The following PIK3CG variants were observed in gnomAD, a reference collection of about 807,000 sequenced individuals.
PIK3CG encodes the protein phosphatidylinositol 4,5-bisphosphate 3-kinase catalytic subunit gamma isoform.
PIK3CG carries 55 observed loss-of-function variants against 102.3 expected under a neutral mutation model. The ratio of observed to expected loss-of-function variants is 0.54; its 90% CI spans 0.43 to 0.67. PIK3CG has a LOEUF of 0.67. Among genes scored for constraint, PIK3CG ranks in the 30% least tolerant of loss-of-function variants. PIK3CG has a pLI of 0.00. For synonymous variants in PIK3CG, 552 were observed against 540.0 expected (o/e 1.02, Z -0.31); for missense variants, 1,258 against 1,391.8 (o/e 0.90, Z 1.53).
At chr7:106,889,530 A>C (rs59813697) in intron 10 of PIK3CG, among the ~76,000 whole-genome samples, 13,481 of 152,242 alleles carry the variant, frequency 0.089, 794 homozygotes, top group South Asian at 0.23. Flanking sequence ...GAAATGTTGT[A>C]TACATTTGCA....
Position 106,893,752 on chromosome 7 carries a change from C to T in PIK3CG, c.3030+7460C>T, listed in dbSNP as rs560719412. Among the ~76,000 whole-genome samples, 60 of 152,182 alleles carry T rather than the reference C, an allele frequency of 3.9e-4. No homozygotes were observed. The highest frequency in any genetic ancestry group is 2.1e-4 in the South Asian group (1 of 4,830). On this transcript the variant is annotated intron_variant, in intron 10 of 10. Transcript: ENST00000496166. This position sits in a 1 kb window ranked among gnomAD's most constrained non-coding sequence, Gnocchi z 4.4. The stretch of plus-strand genomic sequence containing the variant: ...CTATAGCAAGTACTGTCATGCATTG[C>T]TTAACAGTGGGGATACATACAGAGA...
At position 106,867,984 on chromosome 7, in the gene PIK3CG, C is replaced by T. The variant is rs1233472525; in HGVS notation, c.423C>T (p.His141=). The part of the protein sequence containing the change: ...SPGQIHLVQR[H]PPSEESQAFQ... ...GCCAGATCCACCTGGTGCAGCGGCA[C>T]CCGCCCTCCGAGGAGTCCCAAGCCT... is the stretch of plus-strand genomic sequence containing the variant. The change falls in exon 2 of 11, where the codon CAC becomes CAT. Residue 141 remains histidine, a synonymous_variant. Transcript: ENST00000496166. The surrounding 1 kb of genome is among the most constrained non-coding windows in gnomAD (Gnocchi z 5.1). 6.2e-7 allele frequency: 1 copy of T among 1,612,282 alleles called. No individual in the cohort carries two copies. Among genetic ancestry groups the T allele is most frequent in the Non-Finnish European group, 8.5e-7 (1 of 1,179,224 alleles).
chr7:106,883,995 A>G lies in PIK3CG; in HGVS notation c.2761-160A>G, dbSNP rs866580147. ...CCTAAAATATAAGCAGAGCAATGAG[A>G]AAGTTGGCAATTCATAGATATAATG... On this transcript the variant is annotated intron_variant, in intron 8 of 10. Coordinates refer to ENST00000496166, the MANE Select transcript of PIK3CG (RefSeq NM_001282426.2). The surrounding 1 kb of genome is among the most constrained non-coding windows in gnomAD (Gnocchi z 5.8). 2.0e-4 allele frequency among the ~76,000 whole-genome samples: 30 copies of G among 152,244 alleles called. No homozygotes were observed. The highest frequency in any genetic ancestry group is 6.8e-4 in the African/African-American group (28 of 41,464).
rs2116433619 is a variant in PIK3CG, at chr7:106,868,209, C to T, written c.648C>T (p.Ala216=). The T allele has an allele frequency of 6.2e-7, 1 of 1,612,404 alleles. No individual in the cohort carries two copies. Among genetic ancestry groups the T allele is most frequent in the Non-Finnish European group, 8.5e-7 (1 of 1,180,014 alleles). Residue 216 remains alanine (A), a synonymous_variant, in exon 2 of 11, where the codon GCC becomes GCT. Coordinates refer to ENST00000496166, the MANE Select transcript of PIK3CG (RefSeq NM_001282426.2). The surrounding 1 kb of genome is among the most constrained non-coding windows in gnomAD (Gnocchi z 6.2). ...PLPEYLWKKI[A]NNCIFIVIHR... is the part of the protein sequence containing the mutation. Reference sequence around the variant, plus strand: ...CGGAGTACCTGTGGAAGAAGATTGCCAACAACTGCATCTTCATCGTCATTC... The same window carrying T: ...CGGAGTACCTGTGGAAGAAGATTGCTAACAACTGCATCTTCATCGTCATTC...
rs1790855052 is a variant in PIK3CG, at chr7:106,879,054, T to G, written c.2392-465T>G. Among the ~76,000 whole-genome samples, 2 of 152,250 alleles carry G rather than the reference T, an allele frequency of 1.3e-5. No homozygotes were observed. Among genetic ancestry groups the G allele is most frequent in the Non-Finnish European group, 2.9e-5 (2 of 68,044 alleles). ...TGCCAGATTTTCCATTTATTTCTGT[T>G]AAATTTCATCTGCTTAGATGTAGCC... On this transcript the variant is annotated intron_variant, in intron 5 of 10. Transcript: ENST00000496166. The surrounding 1 kb of genome is among the most constrained non-coding windows in gnomAD (Gnocchi z 4.9).
At chr7:106,900,628 G>C (rs1372998230) in intron 10 of PIK3CG, among the ~76,000 whole-genome samples, 1 of 152,164 alleles carries the variant, frequency 6.6e-6, no homozygotes, top group African/African-American at 2.4e-5. Context: ...ATGTTAGCTT[G>C]TTTGTGTGGT....
intron 5 of PIK3CG, among the ~76,000 whole-genome samples, chr7:106,876,674 T>C (rs931632475): frequency 6.6e-6 from 1 of 151,978 alleles, no homozygotes; most frequent in African/African-American, 2.4e-5. Flanking sequence ...GTGCTGGGAT[T>C]ACAGGTGTGA....
In PIK3CG at chr7:106,867,505, A is replaced by C. The variant is rs1790327563; in HGVS notation, c.-12-45A>C. ...TCATCTCACCAGAAAATATAAGGGG[A>C]AAGTGCCTTTCTTGTGACAAATCCC... On this transcript the variant is annotated intron_variant, in intron 1 of 10. Transcript: ENST00000496166. This position sits in a 1 kb window ranked among gnomAD's most constrained non-coding sequence, Gnocchi z 5.1. The C allele has an allele frequency of 6.7e-7, 1 of 1,490,126 alleles. No homozygotes were observed. Among genetic ancestry groups the C allele is most frequent in the Non-Finnish European group, 9.0e-7 (1 of 1,110,628 alleles). The allele number at this position is 1,490,126 out of a possible 1,614,324, so 92.3% of individuals were successfully genotyped here.
Position 106,905,584 on chromosome 7 carries a change from T to C in PIK3CG, c.*197T>C. The C allele has an allele frequency of 1.7e-6, 1 of 579,068 alleles. No individual in the cohort carries two copies. The highest frequency in any genetic ancestry group is 3.0e-6 in the Non-Finnish European group (1 of 331,930). The allele number at this position is 579,068 out of a possible 1,614,324, so 35.9% of individuals were successfully genotyped here. On this transcript the variant is annotated 3_prime_UTR_variant, in exon 11 of 11. Coordinates refer to ENST00000496166, the MANE Select transcript of PIK3CG (RefSeq NM_001282426.2). This position sits in a 1 kb window ranked among gnomAD's most constrained non-coding sequence, Gnocchi z 5.6. ...TGTTTGGTTAAGCAATGTCCAGTGC[T>C]AGGATTATTTGCAGGTTTGGTTTTT...
Position 106,879,480 on chromosome 7 carries a change from T to C in PIK3CG, c.2392-39T>C, listed in dbSNP as rs2116521188. 1 of 1,560,474 alleles carries C rather than the reference T, an allele frequency of 6.4e-7. No individual in the cohort carries two copies. Among genetic ancestry groups the C allele is most frequent in the East Asian group, 2.2e-5 (1 of 44,556 alleles). Reference sequence around the variant, plus strand: ...GTGTCTCCACCATGTATATTCGTTATTCATTGTGTGTGGGGAATATGTGAC... The same window carrying C: ...GTGTCTCCACCATGTATATTCGTTACTCATTGTGTGTGGGGAATATGTGAC... On this transcript the variant is annotated intron_variant, in intron 5 of 10. Transcript: ENST00000496166. The surrounding 1 kb of genome is among the most constrained non-coding windows in gnomAD (Gnocchi z 4.9).
At position 106,886,126 on chromosome 7, in the gene PIK3CG, T is replaced by C. The variant is rs2116560164; in HGVS notation, c.2873-9T>C. 6.2e-7 allele frequency: 1 copy of C among 1,612,712 alleles called. No individual in the cohort carries two copies. The highest frequency in any genetic ancestry group is 1.1e-5 in the South Asian group (1 of 90,914). ...ACTGTAATGATGTCAGATACTTTCT[T>C]CTCTTAAGGAAACCTATTTCATATT... On this transcript the variant is annotated splice_polypyrimidine_tract_variant and intron_variant, in intron 9 of 10. Transcript: ENST00000496166.
At position 106,891,254 on chromosome 7, in the gene PIK3CG, G is replaced by A. The variant is rs1042037992; in HGVS notation, c.3030+4962G>A. 6.6e-6 allele frequency among the ~76,000 whole-genome samples: 1 copy of A among 152,298 alleles called. No individual in the cohort carries two copies. The highest frequency in any genetic ancestry group is 1.9e-4 in the East Asian group (1 of 5,178). ...CCTTCCATATCATACATTGTATTCT[G>A]TGAGTTTCACAATAACTCAGGCCCA... On this transcript the variant is annotated intron_variant, in intron 10 of 10. Coordinates refer to ENST00000496166, the MANE Select transcript of PIK3CG (RefSeq NM_001282426.2). The surrounding 1 kb of genome is among the most constrained non-coding windows in gnomAD (Gnocchi z 4.4).
Position 106,869,686 on chromosome 7 carries a change from A to T in PIK3CG, c.1995+130A>T, listed in dbSNP as rs1400633376. Reference sequence around the variant, plus strand: ...TTCATCATCGGCAAAAGTAGATATGATGAAGCTGCCTCAAAAAGTAGTAAA... The same window carrying T: ...TTCATCATCGGCAAAAGTAGATATGTTGAAGCTGCCTCAAAAAGTAGTAAA... On this transcript the variant is annotated intron_variant, in intron 2 of 10. Transcript: ENST00000496166. This position sits in a 1 kb window ranked among gnomAD's most constrained non-coding sequence, Gnocchi z 5.3. 2.7e-6 allele frequency: 2 copies of T among 747,288 alleles called. No homozygotes were observed. The highest frequency in any genetic ancestry group is 2.2e-6 in the Non-Finnish European group (1 of 464,968). 46.3% of individuals were successfully genotyped at this position (747,288 alleles called of 1,614,324 possible).
intron 1 of PIK3CG, chr7:106,865,864 C>T (rs1790262506): frequency 6.6e-6 from 1 of 152,198 alleles, no homozygotes. Flanking sequence ...TATTTATATG[C>T]TGCCTAAATT....
In PIK3CG at chr7:106,883,967, T is replaced by C. The variant is rs1239001539; in HGVS notation, c.2761-188T>C. 6.6e-6 allele frequency among the ~76,000 whole-genome samples: 1 copy of C among 152,232 alleles called. No homozygotes were observed. The highest frequency in any genetic ancestry group is 1.5e-5 in the Non-Finnish European group (1 of 68,046). ...CATGCCATTGTGATTCACTGAATCT[T>C]CACCTAAAATATAAGCAGAGCAATG... On this transcript the variant is annotated intron_variant, in intron 8 of 10. Transcript: ENST00000496166. The surrounding 1 kb of genome is among the most constrained non-coding windows in gnomAD (Gnocchi z 5.8).
chr7:106,898,970 A>G (rs1791477992), intron 10 of PIK3CG, among the ~76,000 whole-genome samples: 1 of 152,112 alleles, frequency 6.6e-6, no homozygotes, highest in African/African-American at 2.4e-5. Context: ...TAGCCATTTT[A>G]ATGATATTGA....
rs1273082469 is a variant in PIK3CG, at chr7:106,908,155, G to A, written c.*2768G>A. On this transcript the variant is annotated 3_prime_UTR_variant, in exon 11 of 11. Coordinates refer to ENST00000496166, the MANE Select transcript of PIK3CG (RefSeq NM_001282426.2). This position sits in a 1 kb window ranked among gnomAD's most constrained non-coding sequence, Gnocchi z 4.1. Reference sequence around the variant, plus strand: ...GGCGACATAATTTGCAGAGCCCAGTGAACAGTGAAAATGCAGTCCCATCAT... The same window carrying A: ...GGCGACATAATTTGCAGAGCCCAGTAAACAGTGAAAATGCAGTCCCATCAT... Among the ~76,000 whole-genome samples the A allele has an allele frequency of 3.3e-5, 5 of 152,120 alleles. No individual in the cohort carries two copies. Among genetic ancestry groups the A allele is most frequent in the Non-Finnish European group, 7.4e-5 (5 of 68,024 alleles).
rs1466564615 is a variant in PIK3CG at position 106,883,833 on chromosome 7, TGAA to T, written c.2761-320_2761-318del. On this transcript the variant is annotated intron_variant, in intron 8 of 10. Transcript: ENST00000496166. The surrounding 1 kb of genome is among the most constrained non-coding windows in gnomAD (Gnocchi z 5.8). ...GTCACAAGCAAAACATGTTCACAAA[TGAA>T]GGAGAAATTACCATGGGTTCTATAT... Among the ~76,000 whole-genome samples the T allele has an allele frequency of 3.3e-5, 5 of 152,196 alleles. No individual in the cohort carries two copies. Among genetic ancestry groups the T allele is most frequent in the African/African-American group, 4.8e-5 (2 of 41,454 alleles).
At position 106,883,915 on chromosome 7, in the gene PIK3CG, G is replaced by A. The variant is rs1023790787; in HGVS notation, c.2761-240G>A. Among the ~76,000 whole-genome samples the A allele has an allele frequency of 2.6e-5, 4 of 152,186 alleles. No homozygotes were observed. The highest frequency in any genetic ancestry group is 9.6e-5 in the African/African-American group (4 of 41,452). On this transcript the variant is annotated intron_variant, in intron 8 of 10. Coordinates refer to ENST00000496166, the MANE Select transcript of PIK3CG (RefSeq NM_001282426.2). The surrounding 1 kb of genome is among the most constrained non-coding windows in gnomAD (Gnocchi z 5.8). ...AAGTGAACCCTTTGATTAAATTACT[G>A]TTGCCCTTTGACTCTTGTTTCTTCC...
Sources: allele counts gnomAD v4.1 joint callset (sites outside exome capture counted in the v4.1 genomes callset), GRCh38; gene constraint gnomAD v4.1.1; non-coding constraint Gnocchi (gnomAD v3.1); transcripts MANE v1.5; gene names NCBI Gene and HGNC (gene_info 2026-07-23, HGNC 2026-07-21).